HS3ST3A1: variants seen among roughly 807,000 people sequenced by gnomAD.
HS3ST3A1 encodes the protein heparan sulfate-glucosamine 3-sulfotransferase 3A1, also known as heparan sulfate glucosamine 3-O-sulfotransferase 3A1.
HS3ST3A1 carries 19 observed loss-of-function variants against 25.7 expected under a neutral mutation model. That is an observed-to-expected ratio of 0.74 (90% CI 0.52 to 1.08). The LOEUF (loss-of-function observed/expected upper bound fraction) is 1.08, where lower values mean the gene tolerates loss of function less well. Ranked by LOEUF, HS3ST3A1 falls within the 50% of genes least tolerant of loss-of-function variation. The pLI, the probability that HS3ST3A1 is intolerant of heterozygous loss-of-function variation, is 0.00. For synonymous variants in HS3ST3A1, 226 were observed against 278.6 expected (o/e 0.81, Z 1.88); for missense variants, 459 against 594.3 (o/e 0.77, Z 2.37).
intron 1 of HS3ST3A1, among the ~76,000 whole-genome samples, chr17:13,572,075 A>G (rs1907831319): frequency 6.6e-6 from 1 of 152,180 alleles, no homozygotes; most frequent in Non-Finnish European, 1.5e-5. Context: ...GTTTTTAAAA[A>G]ACACAGAGAC....
intron 1 of HS3ST3A1, chr17:13,543,712 T>G (rs1907002271): frequency 6.5e-6 from 1 of 155,014 alleles, no homozygotes; most frequent in South Asian, 2.0e-4. Flanking sequence ...AATAAGGAAT[T>G]TGTCTCAATG....
At position 13,601,113 on chromosome 17, in the gene HS3ST3A1, G is replaced by C. The variant is rs757547849; in HGVS notation, c.17C>G (p.Pro6Arg). 3.8e-6 allele frequency: 6 copies of C among 1,562,922 alleles called. No individual in the cohort carries two copies. Among genetic ancestry groups the C allele is most frequent in the Admixed American group, 3.7e-5 (2 of 53,592 alleles). MAPPG[P>R]ASALSTSAEP... ...GGCCGAGGTGGAGAGGGCACTGGCC[G>C]GGCCCGGAGGGGCCATCCTAGCCGG... is the stretch of plus-strand genomic sequence containing the variant. Residue 6 changes from proline (P) to arginine (R), a missense_variant, in exon 1 of 2, where the codon CCG becomes CGG. Pro to Arg is a moderately radical substitution (Grantham distance 103). Coordinates refer to ENST00000284110, the MANE Select transcript of HS3ST3A1 (RefSeq NM_006042.3).
intron 1 of HS3ST3A1, among the ~76,000 whole-genome samples, chr17:13,600,153 G>A (rs1433999017): frequency 6.6e-6 from 1 of 152,030 alleles, no homozygotes; most frequent in African/African-American, 2.4e-5. Flanking sequence ...AATGAAAACG[G>A]GCTTCCTTGG....
In HS3ST3A1 at chr17:13,496,657, G is replaced by C. The variant is rs894670719; in HGVS notation, c.761C>G (p.Thr254Arg). Reference protein sequence around the residue: ...DPVTRAISDYTQTLSKRPDIP... With the variant: ...DPVTRAISDYRQTLSKRPDIP... Reference sequence around the variant, plus strand: ...GTCGGGCCGCTTGGACAGCGTCTGCGTGTAGTCCGAGATGGCCCTGGTCAC... The same window carrying C: ...GTCGGGCCGCTTGGACAGCGTCTGCCTGTAGTCCGAGATGGCCCTGGTCAC... Residue 254 changes from threonine to arginine, a missense_variant, in exon 2 of 2, where the codon ACG (threonine) becomes AGG (arginine). By Grantham distance (71) the Thr-to-Arg change is moderately conservative (BLOSUM62 -1). This residue lies in a region of HS3ST3A1 where 67 missense variants were observed against 231.4 expected (regional missense o/e 0.29). Transcript: ENST00000284110. 1.2e-6 allele frequency: 2 copies of C among 1,613,566 alleles called. No homozygotes were observed. Among genetic ancestry groups the C allele is most frequent in the Non-Finnish European group, 8.5e-7 (1 of 1,179,912 alleles).
chr17:13,510,417 C>A (rs1032227816), intron 1 of HS3ST3A1, among the ~76,000 whole-genome samples: 3 of 152,200 alleles, frequency 2.0e-5, no homozygotes, highest in African/African-American at 4.8e-5. Context: ...GAGAGAGAAA[C>A]ATGATGAGGA....
intron 1 of HS3ST3A1, among the ~76,000 whole-genome samples, chr17:13,552,017 T>G (rs1390972677): frequency 2.0e-5 from 3 of 152,230 alleles, no homozygotes; most frequent in African/African-American, 7.2e-5. Flanking sequence ...CTGATTTGAT[T>G]TACACCTGAT....
chr17:13,507,826 A>C (rs1448203155), intron 1 of HS3ST3A1, among the ~76,000 whole-genome samples: 3 of 152,294 alleles, frequency 2.0e-5, no homozygotes, highest in Middle Eastern at 3.4e-3. Context: ...GCAAGAAGGT[A>C]GTTCCTGTGG....
At chr17:13,526,392 A>G (rs1906420299) in intron 1 of HS3ST3A1, among the ~76,000 whole-genome samples, 1 of 147,794 alleles carries the variant, frequency 6.8e-6, no homozygotes, top group Non-Finnish European at 1.5e-5. Flanking sequence ...TTCTTTGGCC[A>G]TGTCACTGGG....
chr17:13,531,587 A>G (rs1906609285), intron 1 of HS3ST3A1, among the ~76,000 whole-genome samples: 1 of 151,570 alleles, frequency 6.6e-6, no homozygotes, highest in Non-Finnish European at 1.5e-5. Context: ...GTCTCAAAAA[A>G]CATGTAAATC....
intron 1 of HS3ST3A1, among the ~76,000 whole-genome samples, chr17:13,541,114 A>G (rs1198049543): frequency 6.6e-6 from 1 of 152,210 alleles, no homozygotes; most frequent in Non-Finnish European, 1.5e-5. Context: ...GGCCTCCTTT[A>G]AAGTTCTACT....
At chr17:13,554,580 C>T (rs1023925389) in intron 1 of HS3ST3A1, among the ~76,000 whole-genome samples, 2 of 152,166 alleles carry the variant, frequency 1.3e-5, no homozygotes, top group East Asian at 1.9e-4. Flanking sequence ...CTGAGGGGTG[C>T]GCAGCTGATT....
At chr17:13,564,833 T>C (rs1322315893) in intron 1 of HS3ST3A1, among the ~76,000 whole-genome samples, 1 of 151,746 alleles carries the variant, frequency 6.6e-6, no homozygotes, top group African/African-American at 2.4e-5. Context: ...AAATGATTCT[T>C]ATGCCTCAAT....
intron 1 of HS3ST3A1, among the ~76,000 whole-genome samples, chr17:13,556,379 G>A (rs1907374340): frequency 6.6e-6 from 1 of 151,958 alleles, no homozygotes; most frequent in Non-Finnish European, 1.5e-5. Flanking sequence ...CTGGTGGCGG[G>A]CACCTGTAGT....
Position 13,600,967 on chromosome 17 carries a change from C to A in HS3ST3A1, c.163G>T (p.Gly55Trp). 1 of 1,552,324 alleles carries A rather than the reference C, an allele frequency of 6.4e-7. No homozygotes were observed. Among genetic ancestry groups the A allele is most frequent in the Non-Finnish European group, 8.7e-7 (1 of 1,149,184 alleles). ...RCQTLSGPVVGLSGGGEEAGA... is the reference protein window; with the variant it reads ...RCQTLSGPVVWLSGGGEEAGA... ...GCCTCCTCGCCGCCGCCGGACAGCCCCACGACGGGGCCGGACAGGGTCTGG... is the reference window on the plus strand; with the variant it reads ...GCCTCCTCGCCGCCGCCGGACAGCCACACGACGGGGCCGGACAGGGTCTGG... The change falls in exon 1 of 2, where the codon GGG becomes TGG. Residue 55 changes from glycine to tryptophan, a missense_variant. Coordinates refer to ENST00000284110, the MANE Select transcript of HS3ST3A1 (RefSeq NM_006042.3).
At chr17:13,527,573 CAA>C (rs1906473142) in intron 1 of HS3ST3A1, among the ~76,000 whole-genome samples, 1 of 152,142 alleles carries the variant, frequency 6.6e-6, no homozygotes, top group South Asian at 2.1e-4. Flanking sequence ...CCCCACAGCA[CAA>C]AGATTGCTCA....
At chr17:13,510,357 C>G (rs1014072359) in intron 1 of HS3ST3A1, among the ~76,000 whole-genome samples, 2 of 152,138 alleles carry the variant, frequency 1.3e-5, no homozygotes, top group Admixed American at 6.5e-5. Flanking sequence ...GGGGGGAAAA[C>G]GTGTTTTTCC....
At position 13,494,932 on chromosome 17, in the gene HS3ST3A1, T is replaced by C. The variant is rs1905227942; in HGVS notation, c.*1265A>G. ...GGTTATAAATGGTATAAATAGGAAG[T>C]GGGAGGGGGGAATAAAGTGACAAAA... On this transcript the variant is annotated 3_prime_UTR_variant, in exon 2 of 2. Transcript: ENST00000284110. Among the ~76,000 whole-genome samples, 2 of 152,026 alleles carry C rather than the reference T, an allele frequency of 1.3e-5. No homozygotes were observed. Among genetic ancestry groups the C allele is most frequent in the Non-Finnish European group, 2.9e-5 (2 of 67,990 alleles).
At chr17:13,504,021 A>C (rs546744498) in intron 1 of HS3ST3A1, among the ~76,000 whole-genome samples, 134 of 152,336 alleles carry the variant, frequency 8.8e-4, no homozygotes, top group Non-Finnish European at 1.4e-3. Flanking sequence ...AATGACTTAA[A>C]ACCTGTGAGT....
chr17:13,531,796 A>G (rs1404755195), intron 1 of HS3ST3A1, among the ~76,000 whole-genome samples: 1 of 152,178 alleles, frequency 6.6e-6, no homozygotes, highest in Non-Finnish European at 1.5e-5. Context: ...TTAATATGCA[A>G]ATTTCTCCTT....
Sources: allele counts gnomAD v4.1 joint callset (sites outside exome capture counted in the v4.1 genomes callset), GRCh38; gene constraint gnomAD v4.1.1; regional missense constraint gnomAD v4.1.1; transcripts MANE v1.5; gene names NCBI Gene and HGNC (gene_info 2026-07-23, HGNC 2026-07-21).